WDR37: variants seen among roughly 807,000 people sequenced by gnomAD.
WDR37 encodes the protein WD repeat-containing protein 37.
In WDR37, 19 loss-of-function variants were observed where a neutral mutation model predicts 62.9. The observed-to-expected ratio is 0.30, with a 90% CI of 0.21 to 0.44. The LOEUF is 0.44. Ranked by LOEUF, WDR37 falls within the 20% of genes least tolerant of loss-of-function variation. The pLI, the probability that WDR37 is intolerant of heterozygous loss-of-function variation, is 1.00. For missense variants in WDR37, 474 were observed against 657.6 expected (o/e 0.72, Z 3.05); for synonymous variants, 250 against 260.9 (o/e 0.96, Z 0.40).
At chr10:1,080,371 A>T in intron 4 of WDR37, 41 bp from the exon 5 acceptor site, 2 of 1,613,104 alleles carry the variant, frequency 1.2e-6, no homozygotes, top group Non-Finnish European at 1.7e-6. Flanking sequence ...TAGGTCTTTG[A>T]TTGTGTGATT....
At chr10:1,092,264 T>C (rs1464248946) in intron 7 of WDR37, among the ~76,000 whole-genome samples, 4 of 151,896 alleles carry the variant, frequency 2.6e-5, no homozygotes, top group African/African-American at 7.2e-5. Context: ...CCCAGCACTT[T>C]GGGAGGCCGA....
chr10:1,077,795 A>G, intron 2 of WDR37, 112 bp from the exon 3 acceptor site: 2 of 777,984 alleles, frequency 2.6e-6, no homozygotes, highest in East Asian at 2.9e-5. Flanking sequence ...AAAAATATGT[A>G]ATAATACAAA....
intron 13 of WDR37, among the ~76,000 whole-genome samples, chr10:1,125,396 T>G (rs1835708200): frequency 6.6e-6 from 1 of 152,100 alleles, no homozygotes; most frequent in South Asian, 2.1e-4. Flanking sequence ...GCTAATTTTG[T>G]TAGTCAGGCT....
Position 1,099,522 on chromosome 10 carries a change from C to T in WDR37, c.726+3276C>T, listed in dbSNP as rs1422519068. Among the ~76,000 whole-genome samples the T allele has an allele frequency of 2.6e-5, 4 of 152,214 alleles. No individual in the cohort carries two copies. In the South Asian group the frequency reaches 6.2e-4, roughly 24 times the overall value. The stretch of plus-strand genomic sequence containing the variant: ...TAAATTCCAGTGATAAATGAGTTTT[C>T]TTTAGTCCTAATAGAGGTTATCATA... On this transcript the variant is annotated intron_variant, in intron 9 of 13. Transcript: ENST00000263150.
intron 1 of WDR37, among the ~76,000 whole-genome samples, chr10:1,066,214 G>C (rs1292367519): frequency 2.0e-5 from 3 of 152,058 alleles, no homozygotes; most frequent in Non-Finnish European, 2.9e-5. Context: ...CTCCCGGGTT[G>C]ATGCCATTCT....
chr10:1,083,232 A>T (rs1834087450), intron 5 of WDR37, among the ~76,000 whole-genome samples: 3 of 152,246 alleles, frequency 2.0e-5, no homozygotes, highest in South Asian at 4.1e-4. Flanking sequence ...AGAAAAGAGG[A>T]TAATGATGGG....
chr10:1,072,377 G>A, intron 2 of WDR37, 84 bp downstream of exon 2: 3 of 1,544,464 alleles, frequency 1.9e-6, no homozygotes, highest in Middle Eastern at 1.9e-4. Context: ...GAGTGCGATG[G>A]TGCGATCTCC....
intron 1 of WDR37, among the ~76,000 whole-genome samples, chr10:1,060,261 C>T (rs1833333176): frequency 6.6e-6 from 1 of 152,106 alleles, no homozygotes; most frequent in African/African-American, 2.4e-5. Context: ...TGCTGCATCA[C>T]AGCTGTGTGC....
At chr10:1,106,954 C>T (rs1428489455) in intron 11 of WDR37, among the ~76,000 whole-genome samples, 1 of 152,214 alleles carries the variant, frequency 6.6e-6, no homozygotes, top group East Asian at 1.9e-4. Flanking sequence ...GGGCATCACA[C>T]GCATTAAACT....
chr10:1,098,108 C>T (rs1051642297), intron 9 of WDR37, among the ~76,000 whole-genome samples: 7 of 152,132 alleles, frequency 4.6e-5, no homozygotes, highest in African/African-American at 1.7e-4. Flanking sequence ...CTGAATGTCT[C>T]CGTCCCCCAG....
rs1198099383 is a variant in WDR37, at chr10:1,124,766, G to A, written c.1239-144G>A. ...AGTAACTTGGTCTCTTTTGAATACC[G>A]TAAGCAGGTGGTACACGCAGTGTGT... On this transcript the variant is annotated intron_variant, in intron 12 of 13. Coordinates refer to ENST00000263150, the MANE Select transcript of WDR37 (RefSeq NM_014023.4). 6.3e-6 allele frequency: 7 copies of A among 1,107,572 alleles called. No individual in the cohort carries two copies. In the South Asian group the frequency reaches 8.0e-5, roughly 13 times the overall value. The allele number at this position is 1,107,572 out of a possible 1,614,324, so 68.6% of individuals were successfully genotyped here.
At chr10:1,101,330 C>T (rs1834793948) in intron 9 of WDR37, among the ~76,000 whole-genome samples, 1 of 152,192 alleles carries the variant, frequency 6.6e-6, no homozygotes, top group Non-Finnish European at 1.5e-5. Context: ...CCTCCTGAGG[C>T]GTCTTTCCAT....
At position 1,097,314 on chromosome 10, in the gene WDR37, G is replaced by A. The variant is rs116887570; in HGVS notation, c.726+1068G>A. ...GGAGCCACAGCTTTAAGCACCCACC[G>A]CAGCAGGATCCAGGACTGGAGATGG... On this transcript the variant is annotated intron_variant, in intron 9 of 13. Transcript: ENST00000263150. Among the ~76,000 whole-genome samples, 346 of 152,290 alleles carry A rather than the reference G, an allele frequency of 2.3e-3. 4 individuals are homozygous for A. In the East Asian group the frequency reaches 0.047, roughly 21 times the overall value.
chr10:1,115,315 A>T (rs1418879811), intron 11 of WDR37, among the ~76,000 whole-genome samples: 4 of 152,230 alleles, frequency 2.6e-5, no homozygotes, highest in African/African-American at 9.6e-5. Context: ...CTTTCTTCTA[A>T]AGAAAACAAA....
In WDR37 at chr10:1,105,311, G is replaced by A; in HGVS notation, c.1103+44G>A. ...GACATCTGTCCTTAGTCATGAAAAAGTTCTGTGGGTTGACATGAAAACTTA... is the reference window on the plus strand; with the variant it reads ...GACATCTGTCCTTAGTCATGAAAAAATTCTGTGGGTTGACATGAAAACTTA... On this transcript the variant is annotated intron_variant, in intron 11 of 13. Transcript: ENST00000263150. This position sits in a 1 kb window ranked among gnomAD's most constrained non-coding sequence, Gnocchi z 5.3. 5 of 1,575,788 alleles carry A rather than the reference G, an allele frequency of 3.2e-6. No individual in the cohort carries two copies. The highest frequency in any genetic ancestry group is 4.3e-6 in the Non-Finnish European group (5 of 1,153,948).
chr10:1,091,928 C>A (rs1267113495), intron 7 of WDR37, among the ~76,000 whole-genome samples: 6 of 152,062 alleles, frequency 3.9e-5, no homozygotes, highest in Non-Finnish European at 2.9e-5. Context: ...CGCCTGTAAT[C>A]CTAGCACTTT....
At chr10:1,079,769 C>A (rs1368508882) in intron 3 of WDR37, among the ~76,000 whole-genome samples, 1 of 152,166 alleles carries the variant, frequency 6.6e-6, no homozygotes, top group East Asian at 1.9e-4. Flanking sequence ...TCGTGATCCA[C>A]CTGCCTTGGC....
chr10:1,080,906 CAA>C (rs775496930), intron 5 of WDR37, among the ~76,000 whole-genome samples: 34 of 122,404 alleles, frequency 2.8e-4, no homozygotes, highest in Admixed American at 3.3e-4. Context: ...ATTCCGACTC[CAA>C]AAAAAAAAAA....
At chr10:1,060,647 G>T (rs973239357) in intron 1 of WDR37, among the ~76,000 whole-genome samples, 5 of 152,202 alleles carry the variant, frequency 3.3e-5, no homozygotes, top group African/African-American at 1.2e-4. Flanking sequence ...TATTTGGAGT[G>T]AAGAAGTTTG....
Sources: gnomAD v4.1 joint callset for allele counts (sites outside exome capture counted in the v4.1 genomes callset) on GRCh38, gnomAD v4.1.1 for gene constraint, Gnocchi (gnomAD v3.1) non-coding constraint, MANE v1.5 for transcripts, NCBI Gene and HGNC (gene_info 2026-07-23, HGNC 2026-07-21) for gene names.